FBXL3: variants seen among roughly 807,000 people sequenced by gnomAD.
FBXL3 encodes the protein F-box/LRR-repeat protein 3.
In FBXL3, 14 loss-of-function variants were observed where a neutral mutation model predicts 37.9. The observed-to-expected ratio is 0.37, with a 90% confidence interval of 0.24 to 0.58. The LOEUF (loss-of-function observed/expected upper bound fraction) is 0.58, where lower values mean the gene tolerates loss of function less well. Ranked by LOEUF, FBXL3 falls within the 20% of genes least tolerant of loss-of-function variation. The pLI is 0.74. For synonymous variants in FBXL3, 194 were observed against 180.1 expected (o/e 1.08, Z -0.62); for missense variants, 327 against 511.1 (o/e 0.64, Z 3.47).
chr13:77,019,761 T>C (rs1199703923), intron 2 of FBXL3, among the ~76,000 whole-genome samples: 1 of 152,054 alleles, frequency 6.6e-6, no homozygotes, highest in African/African-American at 2.4e-5. Flanking sequence ...CTATAATCAG[T>C]GAAGACTATC....
chr13:77,014,634 G>A (rs886619755), intron 4 of FBXL3: 1 of 152,186 alleles, frequency 6.6e-6, no homozygotes, highest in Non-Finnish European at 1.5e-5. Flanking sequence ...TGGCAAGAAG[G>A]TTGGAAGTGT....
chr13:77,024,084 G>C (rs2034796117), intron 1 of FBXL3, among the ~76,000 whole-genome samples: 1 of 152,222 alleles, frequency 6.6e-6, no homozygotes, highest in South Asian at 2.1e-4. Flanking sequence ...AAGGTAGTCT[G>C]ATGGAAGACT....
chr13:77,024,011 C>T (rs928139843), intron 1 of FBXL3, among the ~76,000 whole-genome samples: 24 of 152,120 alleles, frequency 1.6e-4, no homozygotes, highest in African/African-American at 5.8e-4. Context: ...AAATATATTA[C>T]GTATACCCTA....
chr13:77,014,101 C>G (rs2034602313), intron 4 of FBXL3: 1 of 152,198 alleles, frequency 6.6e-6, no homozygotes, highest in Non-Finnish European at 1.5e-5. Flanking sequence ...GGCAGGTCAA[C>G]AAAGATCACA....
chr13:77,023,786 GATATGC>G (rs1251503204), intron 1 of FBXL3, among the ~76,000 whole-genome samples: 1 of 152,150 alleles, frequency 6.6e-6, no homozygotes, highest in Non-Finnish European at 1.5e-5. Context: ...TGAGATGAAG[GATATGC>G]ATATGCATTA....
chr13:77,026,798 G>A (rs1467569901), intron 1 of FBXL3, 29 bp downstream of exon 1: 3 of 147,376 alleles, frequency 2.0e-5, no homozygotes, highest in African/African-American at 7.5e-5. Flanking sequence ...CCGTCGCAGC[G>A]GGGCTCGGCC....
chr13:77,018,577 A>G (rs1303735992), intron 3 of FBXL3, 23 bp downstream of exon 3: 1 of 1,547,026 alleles, frequency 6.5e-7, no homozygotes, highest in South Asian at 1.3e-5. Flanking sequence ...AGTAATAGAT[A>G]ATAAAACAAA....
intron 2 of FBXL3, among the ~76,000 whole-genome samples, chr13:77,019,340 A>T (rs1295014863): frequency 1.3e-5 from 2 of 151,576 alleles, no homozygotes; most frequent in East Asian, 4.0e-4. Context: ...GGGAAGGATA[A>T]AGGGCCAAAA....
In FBXL3 at chr13:77,021,838, C is replaced by T. The variant is rs779089895; in HGVS notation, c.23G>A (p.Ser8Asn). The change falls in exon 2 of 5, where the codon AGT becomes AAT. Residue 8 changes from serine (S) to asparagine (N), a missense_variant. Ser to Asn is a conservative substitution (Grantham distance 46). Coordinates refer to ENST00000355619, the MANE Select transcript of FBXL3 (RefSeq NM_012158.4). ...TCCTTCTTCTGATGAATTACGGTCA[C>T]TATCTCTTCCTCCTCGTTTCATCCT... MKRGGRD[S>N]DRNSSEEGTA... is the part of the protein sequence containing the mutation. The T allele has an allele frequency of 6.2e-7, 1 of 1,609,912 alleles. No homozygotes were observed. The highest frequency in any genetic ancestry group is 1.1e-5 in the South Asian group (1 of 90,908).
In FBXL3 at chr13:77,006,675, T is replaced by C. The variant is rs1301837362; in HGVS notation, c.*470A>G. On this transcript the variant is annotated 3_prime_UTR_variant, in exon 5 of 5. Transcript: ENST00000355619. ...TTCATCCAATCTTTTCCATTAGATA[T>C]GATATATTCATTTTTCTCACAAAAT... The C allele has an allele frequency of 9.6e-6, 3 of 310,952 alleles. No individual in the cohort carries two copies. The highest frequency in any genetic ancestry group is 6.2e-5 in the Admixed American group (1 of 16,048). The allele number at this position is 310,952 out of a possible 1,614,324, so 19.3% of individuals were successfully genotyped here.
intron 1 of FBXL3, among the ~76,000 whole-genome samples, chr13:77,025,536 A>T (rs539351674): frequency 2.0e-5 from 3 of 152,130 alleles, no homozygotes; most frequent in Non-Finnish European, 4.4e-5. Flanking sequence ...CAGCCTGGGC[A>T]ACACGATGAA....
Position 77,005,443 on chromosome 13 carries a change from A to C in FBXL3, c.*1702T>G, listed in dbSNP as rs1393579699. On this transcript the variant is annotated 3_prime_UTR_variant, in exon 5 of 5. Coordinates refer to ENST00000355619, the MANE Select transcript of FBXL3 (RefSeq NM_012158.4). Reference sequence around the variant, plus strand: ...CTTTGGTTAGTAGAACTGATTATGTACTGTCAAATCCATTTTTCCAAAGTT... The same window carrying C: ...CTTTGGTTAGTAGAACTGATTATGTCCTGTCAAATCCATTTTTCCAAAGTT... 6.6e-6 allele frequency: 1 copy of C among 152,610 alleles called. No individual in the cohort carries two copies. The highest frequency in any genetic ancestry group is 1.5e-5 in the Non-Finnish European group (1 of 67,992). The allele number at this position is 152,610 out of a possible 1,614,324, so 9.5% of individuals were successfully genotyped here.
chr13:77,022,032 A>C (rs1299939021), intron 1 of FBXL3, among the ~76,000 whole-genome samples, 171 bp from the exon 2 acceptor site: 1 of 152,238 alleles, frequency 6.6e-6, no homozygotes, highest in African/African-American at 2.4e-5. Context: ...ATGCCAATGA[A>C]GGCCAACAAT....
chr13:77,011,955 T>C (rs1411819701), intron 4 of FBXL3, among the ~76,000 whole-genome samples: 1 of 152,160 alleles, frequency 6.6e-6, no homozygotes, highest in African/African-American at 2.4e-5. Flanking sequence ...AATTAAACCA[T>C]ATGTCCGCAC....
At chr13:77,025,910 G>A (rs992029231) in intron 1 of FBXL3, among the ~76,000 whole-genome samples, 31 of 152,122 alleles carry the variant, frequency 2.0e-4, no homozygotes, top group African/African-American at 7.5e-4. Context: ...GCATTCTTTG[G>A]CTGAACTACA....
intron 4 of FBXL3, among the ~76,000 whole-genome samples, 176 bp from the exon 5 acceptor site, chr13:77,007,964 T>C (rs942755095): frequency 1.3e-5 from 2 of 152,216 alleles, no homozygotes; most frequent in African/African-American, 2.4e-5. Flanking sequence ...AATCTATTAC[T>C]AATTTTGTCT....
In FBXL3 at chr13:77,007,061, T is replaced by C; in HGVS notation, c.*84A>G. 1 of 1,486,372 alleles carries C rather than the reference T, an allele frequency of 6.7e-7. No homozygotes were observed. Among genetic ancestry groups the C allele is most frequent in the Non-Finnish European group, 8.9e-7 (1 of 1,126,270 alleles). The allele number at this position is 1,486,372 out of a possible 1,614,324, so 92.1% of individuals were successfully genotyped here. A position where few individuals can be genotyped will look rare whatever the true frequency, so the allele number is the denominator to read the frequency against. ...ATCAAATTTCTGTGCCACAAAATAG[T>C]AGAATTATATCAGAACTACAGCAAA... is the stretch of plus-strand genomic sequence containing the variant. On this transcript the variant is annotated 3_prime_UTR_variant, in exon 5 of 5. Coordinates refer to ENST00000355619, the MANE Select transcript of FBXL3 (RefSeq NM_012158.4).
intron 3 of FBXL3, chr13:77,016,217 TTGTA>T (rs2034639680): frequency 6.6e-6 from 1 of 152,208 alleles, no homozygotes; most frequent in Non-Finnish European, 1.5e-5. Flanking sequence ...ATGTATATAT[TTGTA>T]TGTATGTACA....
chr13:77,015,894 G>C (rs544075370), intron 3 of FBXL3: 9 of 172,118 alleles, frequency 5.2e-5, no homozygotes, highest in Non-Finnish European at 7.3e-5. Context: ...ATCTCTCTCA[G>C]ACACTTCATT....
Sources: gnomAD v4.1 joint callset for allele counts (sites outside exome capture counted in the v4.1 genomes callset) on GRCh38, gnomAD v4.1.1 for gene constraint, MANE v1.5 for transcripts, NCBI Gene and HGNC (gene_info 2026-07-23, HGNC 2026-07-21) for gene names.